The following UBXN10 variants were observed in gnomAD, a reference collection of about 807,000 sequenced individuals.
UBXN10 encodes UBX domain protein 10.
UBXN10 carries 6 observed loss-of-function variants against 6.9 expected under a neutral mutation model. The ratio of observed to expected loss-of-function variants is 0.87; its 90% CI spans 0.48 to 1.72. UBXN10 has a LOEUF of 1.72. Among genes scored for constraint, UBXN10 ranks in the 40% most tolerant of loss-of-function variants. The pLI is 0.01. For synonymous variants in UBXN10, 131 were observed against 135.2 expected (o/e 0.97, Z 0.21); for missense variants, 317 against 348.4 (o/e 0.91, Z 0.72).
chr1:20,183,653 G>A (rs1173508888), upstream of UBXN10, among the ~76,000 whole-genome samples: 1 of 152,224 alleles, frequency 6.6e-6, no homozygotes, highest in East Asian at 1.9e-4. Flanking sequence ...GCTTTTGTGG[G>A]GAGGCTGTGG....
chr1:20,191,209 G>A lies in UBXN10; in HGVS notation c.648G>A (p.Arg216=). 6.2e-7 allele frequency: 1 copy of A among 1,614,172 alleles called. No individual in the cohort carries two copies. The highest frequency in any genetic ancestry group is 8.5e-7 in the Non-Finnish European group (1 of 1,180,050). ...GCCAAAGGTTTGTACGCCATTTCCGGCCAACAGATGATTTGCAAACCATTG... is the reference window on the plus strand; with the variant it reads ...GCCAAAGGTTTGTACGCCATTTCCGACCAACAGATGATTTGCAAACCATTG... ...PTGQRFVRHF[R]PTDDLQTIVA... Residue 216 remains arginine, a synonymous_variant, in exon 2 of 2, where the codon CGG becomes CGA. Transcript: ENST00000375099. This position sits in a 1 kb window ranked among gnomAD's most constrained non-coding sequence, Gnocchi z 4.5.
intron 1 of UBXN10, among the ~76,000 whole-genome samples, chr1:20,189,407 T>A (rs2018453663): frequency 6.6e-6 from 1 of 151,956 alleles, no homozygotes; most frequent in Non-Finnish European, 1.5e-5. Flanking sequence ...GTAGTGTTAG[T>A]GAAGTGGCCA....
rs369575965 is a variant in UBXN10 at position 20,190,588 on chromosome 1, A to G, written c.27A>G (p.Ile9Met). The change falls in exon 2 of 2, where the codon ATA becomes ATG. Residue 9 changes from isoleucine (I) to methionine (M), a missense_variant. By Grantham distance (10) the Ile-to-Met change is conservative. Transcript: ENST00000375099. ...TGGCCACAGAAGCCCCTGTGAATAT[A>G]GCACCACCTGAGTGTAGCACTGTTG... MATEAPVN[I>M]APPECSTVVS... 75 of 1,613,894 alleles carry G rather than the reference A, an allele frequency of 4.6e-5. No individual in the cohort carries two copies. Among genetic ancestry groups the G allele is most frequent in the Non-Finnish European group, 5.6e-5 (66 of 1,179,918 alleles).
Position 20,187,500 on chromosome 1 carries a change from C to A in UBXN10, c.-16+1347C>A, listed in dbSNP as rs2018419725. On this transcript the variant is annotated intron_variant, in intron 1 of 1. Coordinates refer to ENST00000375099, the MANE Select transcript of UBXN10 (RefSeq NM_152376.5). The surrounding 1 kb of genome is among the most constrained non-coding windows in gnomAD (Gnocchi z 4.6). Reference sequence around the variant, plus strand: ...CCCAGATCCCCAAACACCTGTTTCCCCCACCGCCCATCCCTGTGTGATGGG... The same window carrying A: ...CCCAGATCCCCAAACACCTGTTTCCACCACCGCCCATCCCTGTGTGATGGG... Among the ~76,000 whole-genome samples the A allele has an allele frequency of 7.4e-6, 1 of 135,884 alleles. No homozygotes were observed. Among genetic ancestry groups the A allele is most frequent in the Admixed American group, 7.3e-5 (1 of 13,618 alleles). 89.1% of individuals were successfully genotyped at this position (135,884 alleles called of 152,430 possible). A position where few individuals can be genotyped will look rare whatever the true frequency, so the allele number is the denominator to read the frequency against.
rs2100732600 is a variant in UBXN10, at chr1:20,187,864, C to T, written c.-16+1711C>T. ...GAGCCTGTGAGAACACATGACTCTC[C>T]TCATCAAAGTTGTTAAGGAAGAGGT... On this transcript the variant is annotated intron_variant, in intron 1 of 1. Transcript: ENST00000375099. This position sits in a 1 kb window ranked among gnomAD's most constrained non-coding sequence, Gnocchi z 4.6. Among the ~76,000 whole-genome samples the T allele has an allele frequency of 6.6e-6, 1 of 152,212 alleles. No individual in the cohort carries two copies. The highest frequency in any genetic ancestry group is 1.9e-4 in the East Asian group (1 of 5,182).
intron 1 of UBXN10, 41 bp from the exon 2 acceptor site, chr1:20,190,506 A>G (rs1355695855): frequency 2.6e-6 from 4 of 1,552,708 alleles, no homozygotes; most frequent in Non-Finnish European, 3.5e-6. Flanking sequence ...AGTCCCAGGA[A>G]GTTTAACCCA....
upstream of UBXN10, among the ~76,000 whole-genome samples, chr1:20,183,982 T>C (rs1314367588): frequency 6.6e-6 from 1 of 152,172 alleles, no homozygotes. Context: ...TTTGAAGACA[T>C]CCTCTTTATA....
At chr1:20,184,790 AGGGAGGGAGGTGGGAGAGGGAGAGGT>A (rs2018338025), upstream of UBXN10, among the ~76,000 whole-genome samples, 1 of 151,666 alleles carries the variant, frequency 6.6e-6, no homozygotes, top group South Asian at 2.1e-4. Flanking sequence ...AAGAGGGAGG[AGGGAGGGAGGTGGGAGAGGGAGAGGT>A]GGGAGGTTTC....
upstream of UBXN10, chr1:20,184,197 G>GCAAA (rs1553184788): frequency 6.7e-6 from 1 of 149,618 alleles, no homozygotes; most frequent in Non-Finnish European, 1.5e-5. Context: ...GTGCGCACAC[G>GCAAA]CACACACACA....
Position 20,187,192 on chromosome 1 carries a change from A to G in UBXN10, c.-16+1039A>G, listed in dbSNP as rs1479034432. On this transcript the variant is annotated intron_variant, in intron 1 of 1. Coordinates refer to ENST00000375099, the MANE Select transcript of UBXN10 (RefSeq NM_152376.5). This position sits in a 1 kb window ranked among gnomAD's most constrained non-coding sequence, Gnocchi z 4.6. Reference sequence around the variant, plus strand: ...AGGAATGGGCACCTGCCCTTCTGGCAACTTCTTGGAAACAGTTGGCAGTGT... The same window carrying G: ...AGGAATGGGCACCTGCCCTTCTGGCGACTTCTTGGAAACAGTTGGCAGTGT... Among the ~76,000 whole-genome samples the G allele has an allele frequency of 6.6e-6, 1 of 152,148 alleles. No individual in the cohort carries two copies. Among genetic ancestry groups the G allele is most frequent in the Non-Finnish European group, 1.5e-5 (1 of 68,024 alleles).
chr1:20,183,971 C>T (rs1371113891), upstream of UBXN10, among the ~76,000 whole-genome samples: 3 of 152,194 alleles, frequency 2.0e-5, no homozygotes, highest in Admixed American at 6.5e-5. Flanking sequence ...CAGGTCTGTC[C>T]TTTGAAGACA....
upstream of UBXN10, chr1:20,184,225 A>ACACACACT (rs1476527413): frequency 6.6e-6 from 1 of 152,470 alleles, no homozygotes; most frequent in East Asian, 1.9e-4. Flanking sequence ...ACACACACAC[A>ACACACACT]CACGGTGAGA....
At chr1:20,184,995 A>G (rs1232955362), upstream of UBXN10, among the ~76,000 whole-genome samples, 1 of 152,142 alleles carries the variant, frequency 6.6e-6, no homozygotes, top group Non-Finnish European at 1.5e-5. Context: ...TCTACAAAAA[A>G]TAATAAAAAT....
At chr1:20,183,926 T>C (rs1461989098), upstream of UBXN10, among the ~76,000 whole-genome samples, 1 of 152,184 alleles carries the variant, frequency 6.6e-6, no homozygotes, top group Admixed American at 6.5e-5. Flanking sequence ...TTTACTGAGA[T>C]CCACTCTGGG....
At chr1:20,188,326 A>C (rs2018434139) in intron 1 of UBXN10, among the ~76,000 whole-genome samples, 1 of 152,198 alleles carries the variant, frequency 6.6e-6, no homozygotes, top group Non-Finnish European at 1.5e-5. Context: ...AGAGAGACTC[A>C]GGCTGTGAGT....
upstream of UBXN10, chr1:20,184,614 G>A (rs2018334926): frequency 6.6e-6 from 1 of 152,248 alleles, no homozygotes; most frequent in Admixed American, 6.5e-5. Context: ...ACCCATGGAG[G>A]AGCAATTCAC....
rs1206877327 is a variant in UBXN10 at position 20,190,834 on chromosome 1, A to T, written c.273A>T (p.Gly91=). 6.2e-7 allele frequency: 1 copy of T among 1,613,916 alleles called. No homozygotes were observed. Among genetic ancestry groups the T allele is most frequent in the South Asian group, 1.1e-5 (1 of 91,060 alleles). ...GACAPKSPNQ[G]ASDEIPELQQ... ...GTGCACCCAAATCTCCAAACCAGGG[A>T]GCTTCTGATGAGATCCCTGAGCTGC... is the stretch of plus-strand genomic sequence containing the variant. The change falls in exon 2 of 2, where the codon GGA becomes GGT. Residue 91 remains glycine (G), a synonymous_variant. Coordinates refer to ENST00000375099, the MANE Select transcript of UBXN10 (RefSeq NM_152376.5).
In UBXN10 at chr1:20,191,461, G is replaced by A. The variant is rs1236469974; in HGVS notation, c.*57G>A. ...TCTGAGCAAAGGAGCATGCTTGGGC[G>A]TTGTGGCCTCTTAGGCAGCCTGTTT... On this transcript the variant is annotated 3_prime_UTR_variant, in exon 2 of 2. Transcript: ENST00000375099. This position sits in a 1 kb window ranked among gnomAD's most constrained non-coding sequence, Gnocchi z 4.5. The A allele has an allele frequency of 5.8e-6, 9 of 1,552,782 alleles. No individual in the cohort carries two copies. Among genetic ancestry groups the A allele is most frequent in the Middle Eastern group, 1.7e-4 (1 of 5,758 alleles).
rs199903923 is a variant in UBXN10, at chr1:20,191,140, G to A, written c.579G>A (p.Ser193=). 5.0e-5 allele frequency: 80 copies of A among 1,614,126 alleles called. No homozygotes were observed. The highest frequency in any genetic ancestry group is 8.8e-5 in the South Asian group (8 of 91,076). ...GGGCTGGAAATCTGGAGGAACCATC[G>A]GACCAAGAACCAAGGTTGCTGCTTG... ...SSRAGNLEEP[S]DQEPRLLLAV... is the part of the protein sequence containing the mutation. The change falls in exon 2 of 2, where the codon TCG becomes TCA. Residue 193 remains serine, a synonymous_variant. Transcript: ENST00000375099. The surrounding 1 kb of genome is among the most constrained non-coding windows in gnomAD (Gnocchi z 4.5).
Sources: allele counts gnomAD v4.1 joint callset (sites outside exome capture counted in the v4.1 genomes callset), GRCh38; gene constraint gnomAD v4.1.1; non-coding constraint Gnocchi (gnomAD v3.1); transcripts MANE v1.5; gene names NCBI Gene and HGNC (gene_info 2026-07-23, HGNC 2026-07-21).